Variants in CNTN4 observed in about 807,000 individuals in gnomAD.
CNTN4 encodes contactin 4.
CNTN4 carries 77 observed loss-of-function variants against 122.5 expected under a neutral mutation model. The observed-to-expected ratio is 0.63, with a 90% CI of 0.52 to 0.76. The LOEUF is 0.76. Among genes scored for constraint, CNTN4 ranks in the 30% least tolerant of loss-of-function variants. The pLI, the probability that CNTN4 is intolerant of heterozygous loss-of-function variation, is 0.00. For synonymous variants in CNTN4, 512 were observed against 447.0 expected (o/e 1.15, Z -1.83); for missense variants, 1,256 against 1,259.1 (o/e 1.00, Z 0.04).
Position 3,028,739 on chromosome 3 carries a change from G to A in CNTN4, c.1663-2116G>A, listed in dbSNP as rs74581514. 7.4e-4 allele frequency among the ~76,000 whole-genome samples: 112 copies of A among 152,230 alleles called. 6 individuals carry two copies. In the East Asian group the frequency reaches 0.018, roughly 25 times the overall value. The stretch of plus-strand genomic sequence containing the variant: ...TATCAATAATCTTAATAATGATGAT[G>A]ATAATAGTGATAATTCCTGATACTT... On this transcript the variant is annotated intron_variant, in intron 15 of 24. Coordinates refer to ENST00000418658, the MANE Select transcript of CNTN4 (RefSeq NM_175607.3).
chr3:2,384,327 C>T (rs973068504), intron 3 of CNTN4, among the ~76,000 whole-genome samples: 1 of 152,114 alleles, frequency 6.6e-6, no homozygotes, highest in African/African-American at 2.4e-5. Flanking sequence ...GCTTAAGTTG[C>T]TTTAGTCTAG....
At chr3:2,212,334 C>T (rs4684340) in intron 2 of CNTN4, among the ~76,000 whole-genome samples, 2 of 152,048 alleles carry the variant, frequency 1.3e-5, no homozygotes, top group African/African-American at 2.4e-5. Flanking sequence ...TTAGTCTGTT[C>T]TCTTGTTGCC....
At chr3:2,199,870 C>A (rs1384517744) in intron 2 of CNTN4, among the ~76,000 whole-genome samples, 1 of 152,102 alleles carries the variant, frequency 6.6e-6, no homozygotes, top group East Asian at 1.9e-4. Context: ...ACGTTCTTAA[C>A]AGAGGGAATA....
chr3:2,921,496 A>G (rs1020213632), intron 12 of CNTN4, among the ~76,000 whole-genome samples: 2 of 152,222 alleles, frequency 1.3e-5, no homozygotes, highest in Non-Finnish European at 2.9e-5. Context: ...AGTAGTGAAA[A>G]GATTTGAATT....
At chr3:2,756,901 T>A (rs2090363541) in intron 6 of CNTN4, among the ~76,000 whole-genome samples, 1 of 152,168 alleles carries the variant, frequency 6.6e-6, no homozygotes, top group Non-Finnish European at 1.5e-5. Context: ...GAATAAATTT[T>A]TTTTTTAAGC....
rs189470301 is a variant in CNTN4, at chr3:2,344,529, C to A, written c.-89+5296C>A. Among the ~76,000 whole-genome samples, 921 of 152,238 alleles carry A rather than the reference C, an allele frequency of 6.0e-3. 6 individuals are homozygous for A. The highest frequency in any genetic ancestry group is 0.011 in the Non-Finnish European group (721 of 68,022). ...TCCTGACCTCATGATCCACCCGCTT[C>A]AGCCTCCCAAAGTGCTGGGATTACA... On this transcript the variant is annotated intron_variant, in intron 3 of 24. Coordinates refer to ENST00000418658, the MANE Select transcript of CNTN4 (RefSeq NM_175607.3).
At chr3:2,977,281 T>A (rs1027070287) in intron 13 of CNTN4, among the ~76,000 whole-genome samples, 12 of 138,508 alleles carry the variant, frequency 8.7e-5, no homozygotes, top group African/African-American at 3.2e-4. Flanking sequence ...TCTGTCTTAT[T>A]TTGGTTATAA....
intron 3 of CNTN4, among the ~76,000 whole-genome samples, chr3:2,569,296 A>G (rs1363424067): frequency 1.3e-5 from 2 of 152,186 alleles, no homozygotes; most frequent in African/African-American, 2.4e-5. Context: ...CAGTGATCAC[A>G]TGGTGTAAAT....
intron 3 of CNTN4, among the ~76,000 whole-genome samples, chr3:2,468,658 G>A (rs1218270453): frequency 1.3e-5 from 2 of 152,038 alleles, no homozygotes; most frequent in Non-Finnish European, 2.9e-5. Flanking sequence ...GGTAGTTCTA[G>A]GACTATCTCA....
chr3:2,870,085 C>T (rs2093767843), intron 8 of CNTN4, among the ~76,000 whole-genome samples: 1 of 152,102 alleles, frequency 6.6e-6, no homozygotes, highest in Non-Finnish European at 1.5e-5. Context: ...GTGACATAGC[C>T]AGGGACAGAC....
chr3:2,709,212 T>C lies in CNTN4; in HGVS notation c.56-27003T>C, dbSNP rs1487767957. Among the ~76,000 whole-genome samples, 2 of 152,190 alleles carry C rather than the reference T, an allele frequency of 1.3e-5. No individual in the cohort carries two copies. Among genetic ancestry groups the C allele is most frequent in the African/African-American group, 4.8e-5 (2 of 41,452 alleles). ...CAAAACCAAATTTTATTGGTAAAAA[T>C]AACTATTTCTTTTAGAATAAAGAAT... On this transcript the variant is annotated intron_variant, in intron 4 of 24. Coordinates refer to ENST00000418658, the MANE Select transcript of CNTN4 (RefSeq NM_175607.3). This position sits in a 1 kb window ranked among gnomAD's most constrained non-coding sequence, Gnocchi z 5.0.
intron 4 of CNTN4, among the ~76,000 whole-genome samples, chr3:2,579,517 T>G (rs2149551286): frequency 7.3e-6 from 1 of 137,148 alleles, no homozygotes; most frequent in South Asian, 2.5e-4. Flanking sequence ...GTACATCATC[T>G]CCCTAGGTCA....
At chr3:2,720,419 C>G (rs928888808) in intron 4 of CNTN4, among the ~76,000 whole-genome samples, 3 of 152,106 alleles carry the variant, frequency 2.0e-5, no homozygotes, top group African/African-American at 7.2e-5. Context: ...GTTCAGAGAC[C>G]TGGGGAAGAT....
Position 2,444,985 on chromosome 3 carries a change from C to T in CNTN4, c.-89+105752C>T, listed in dbSNP as rs1001375274. On this transcript the variant is annotated intron_variant, in intron 3 of 24. Coordinates refer to ENST00000418658, the MANE Select transcript of CNTN4 (RefSeq NM_175607.3). ...CCTGAAATGCCGCATCCCCCCACCC[C>T]ACTTCTTACTATGTAAAAAAAAAAA... Among the ~76,000 whole-genome samples, 8 of 151,568 alleles carry T rather than the reference C, an allele frequency of 5.3e-5. No homozygotes were observed. The South Asian group carries it at 1.7e-3, about 32-fold the overall frequency.
chr3:2,342,250 A>G (rs572171029), intron 3 of CNTN4, among the ~76,000 whole-genome samples: 1 of 152,240 alleles, frequency 6.6e-6, no homozygotes, highest in Non-Finnish European at 1.5e-5. Context: ...GGGTCATGTT[A>G]GGTTACTTTA....
chr3:3,014,270 A>G (rs1697534381), intron 14 of CNTN4, among the ~76,000 whole-genome samples: 1 of 152,154 alleles, frequency 6.6e-6, no homozygotes, highest in Non-Finnish European at 1.5e-5. Context: ...TTCAGTCTGT[A>G]GTAGTACTAG....
At chr3:2,429,896 A>C (rs1215894875) in intron 3 of CNTN4, among the ~76,000 whole-genome samples, 1 of 152,082 alleles carries the variant, frequency 6.6e-6, no homozygotes, top group Non-Finnish European at 1.5e-5. Context: ...CGCGGGATAT[A>C]ATTTTGCTAA....
At chr3:2,466,724 A>G (rs76177790) in intron 3 of CNTN4, among the ~76,000 whole-genome samples, 1,818 of 152,248 alleles carry the variant, frequency 0.012, 49 homozygotes, top group African/African-American at 0.042. Context: ...TTTGATATAT[A>G]TTCTATTTCA....
At chr3:2,706,315 C>T (rs758421242) in intron 4 of CNTN4, among the ~76,000 whole-genome samples, 1 of 152,002 alleles carries the variant, frequency 6.6e-6, no homozygotes, top group Non-Finnish European at 1.5e-5. Context: ...ACTCAGACTA[C>T]ACTCCATTGT....
Sources: gnomAD v4.1 joint callset for allele counts (sites outside exome capture counted in the v4.1 genomes callset) on GRCh38, gnomAD v4.1.1 for gene constraint, Gnocchi (gnomAD v3.1) non-coding constraint, MANE v1.5 for transcripts, NCBI Gene and HGNC (gene_info 2026-07-23, HGNC 2026-07-21) for gene names.